Variants in MAGI2 observed in about 807,000 individuals in gnomAD.
MAGI2 encodes membrane-associated guanylate kinase, WW and PDZ domain-containing protein 2.
A neutral mutation model predicts 133.3 loss-of-function variants in MAGI2; 35 were observed. The observed-to-expected ratio is 0.26, with a 90% CI of 0.20 to 0.35. MAGI2 has a LOEUF of 0.35. Ranked by LOEUF, MAGI2 falls within the 10% of genes least tolerant of loss-of-function variation. The pLI is 1.00. For synonymous variants in MAGI2, 729 were observed against 710.6 expected (o/e 1.03, Z -0.41); for missense variants, 1,636 against 1,863.4 (o/e 0.88, Z 2.25).
chr7:78,628,817 A>T (rs1229743650), intron 2 of MAGI2, among the ~76,000 whole-genome samples: 1 of 149,050 alleles, frequency 6.7e-6, no homozygotes, highest in Non-Finnish European at 1.5e-5. Flanking sequence ...GAGAACCTTA[A>T]CTTTCAATAT....
chr7:79,243,858 T>C (rs1832616239), intron 1 of MAGI2, among the ~76,000 whole-genome samples: 1 of 152,184 alleles, frequency 6.6e-6, no homozygotes, highest in Non-Finnish European at 1.5e-5. Context: ...AAACAGCTAG[T>C]AGTCAGGATT....
At chr7:78,404,448 G>A (rs10266344) in intron 6 of MAGI2, among the ~76,000 whole-genome samples, 123,161 of 152,116 alleles carry the variant, frequency 0.81, 50,014 homozygotes, top group African/African-American at 0.85. Flanking sequence ...CCAAAACAGC[G>A]TGGTACTGGT....
At chr7:78,123,964 T>A (rs1431628628) in intron 20 of MAGI2, among the ~76,000 whole-genome samples, 1 of 152,218 alleles carries the variant, frequency 6.6e-6, no homozygotes, top group African/African-American at 2.4e-5. Context: ...GAAAGAGGAA[T>A]CTTTTCCTGC....
chr7:79,122,041 A>G (rs1165891298), intron 1 of MAGI2, among the ~76,000 whole-genome samples: 1 of 152,152 alleles, frequency 6.6e-6, no homozygotes, highest in African/African-American at 2.4e-5. Context: ...TATATAATTG[A>G]TTTCTGCATA....
At chr7:79,288,303 A>G (rs1156272416) in intron 1 of MAGI2, among the ~76,000 whole-genome samples, 58 of 152,158 alleles carry the variant, frequency 3.8e-4, no homozygotes, top group Admixed American at 3.8e-3. Context: ...GGATTAAATG[A>G]GATAGTCTCT....
chr7:78,488,395 C>G (rs1793267246), intron 6 of MAGI2, among the ~76,000 whole-genome samples: 1 of 152,020 alleles, frequency 6.6e-6, no homozygotes, highest in Non-Finnish European at 1.5e-5. Flanking sequence ...AGGTGCAAGA[C>G]AGCTGAGAAG....
chr7:78,954,648 A>G (rs1020038268), intron 2 of MAGI2, among the ~76,000 whole-genome samples: 3 of 152,100 alleles, frequency 2.0e-5, no homozygotes, highest in Non-Finnish European at 4.4e-5. Flanking sequence ...CTCACTTTTA[A>G]AGTTCTGGCC....
At chr7:78,992,203 G>A (rs1012919500) in intron 2 of MAGI2, among the ~76,000 whole-genome samples, 14 of 152,072 alleles carry the variant, frequency 9.2e-5, no homozygotes, top group African/African-American at 3.1e-4. Context: ...GTTTACATTA[G>A]TCAGTTGTAT....
intron 6 of MAGI2, among the ~76,000 whole-genome samples, chr7:78,466,943 T>C (rs896666139): frequency 6.6e-6 from 1 of 152,116 alleles, no homozygotes; most frequent in East Asian, 1.9e-4. Context: ...AATTAATGGG[T>C]ATCTGTCCCG....
intron 2 of MAGI2, among the ~76,000 whole-genome samples, chr7:78,866,462 T>C (rs922444954): frequency 4.6e-5 from 7 of 152,094 alleles, no homozygotes; most frequent in Non-Finnish European, 1.0e-4. Context: ...ATTTCTTCTC[T>C]CATGTGAAAT....
chr7:78,383,297 A>G (rs1448845959), intron 6 of MAGI2, among the ~76,000 whole-genome samples: 1 of 152,090 alleles, frequency 6.6e-6, no homozygotes, highest in Non-Finnish European at 1.5e-5. Context: ...TCTTTTGAAT[A>G]GTAACCATTC....
intron 20 of MAGI2, among the ~76,000 whole-genome samples, chr7:78,081,311 G>A (rs902937744): frequency 2.0e-5 from 3 of 152,136 alleles, no homozygotes; most frequent in Non-Finnish European, 4.4e-5. Context: ...CACCTGTTAT[G>A]TACCAGACAG....
Position 78,847,743 on chromosome 7 carries a change from T to C in MAGI2, c.418+159347A>G, listed in dbSNP as rs552639423. Among the ~76,000 whole-genome samples the C allele has an allele frequency of 6.6e-5, 10 of 152,126 alleles. No individual in the cohort carries two copies. In the South Asian group the frequency reaches 2.1e-3, roughly 32 times the overall value. On this transcript the variant is annotated intron_variant, in intron 2 of 21. Transcript: ENST00000354212. ...GATCACTCTATCTAAAATGGCACCC[T>C]GTGTCATTCTCTAATCCTTCTTCTC...
intron 1 of MAGI2, among the ~76,000 whole-genome samples, chr7:79,234,795 G>A (rs1426088270): frequency 2.6e-5 from 4 of 151,108 alleles, no homozygotes; most frequent in African/African-American, 4.9e-5. Context: ...CTCTCAGCTC[G>A]TCAAAGTCAT....
chr7:78,271,650 C>T (rs1182418961), intron 9 of MAGI2, among the ~76,000 whole-genome samples: 1 of 152,072 alleles, frequency 6.6e-6, no homozygotes, highest in African/African-American at 2.4e-5. Context: ...TTGGTCTATT[C>T]AGGGATTTGA....
chr7:79,122,425 A>T (rs192908932), intron 1 of MAGI2, among the ~76,000 whole-genome samples: 1 of 152,320 alleles, frequency 6.6e-6, no homozygotes, highest in African/African-American at 2.4e-5. Flanking sequence ...ATTAAGGCAC[A>T]TAGATGTATA....
At chr7:79,321,630 G>A (rs1167358746) in intron 1 of MAGI2, among the ~76,000 whole-genome samples, 1 of 152,090 alleles carries the variant, frequency 6.6e-6, no homozygotes, top group East Asian at 1.9e-4. Context: ...TGGGTACCAT[G>A]GTGATTATAT....
chr7:79,379,551 T>C (rs553825861), intron 1 of MAGI2, among the ~76,000 whole-genome samples: 37 of 152,114 alleles, frequency 2.4e-4, no homozygotes, highest in African/African-American at 8.2e-4. Context: ...TCTTCCACAA[T>C]GGTTGAACTA....
At position 79,429,797 on chromosome 7, in the gene MAGI2, T is replaced by TAGA. The variant is rs1275489205; in HGVS notation, c.301+23222_301+23223insTCT. On this transcript the variant is annotated intron_variant, in intron 1 of 21. Coordinates refer to ENST00000354212, the MANE Select transcript of MAGI2 (RefSeq NM_012301.4). ...AGACATATTAAAACTGACTCTTTTC[T>TAGA]AATAAAAATAATATGATTATCTCAT... is the stretch of plus-strand genomic sequence containing the variant. Among the ~76,000 whole-genome samples, 58 of 152,310 alleles carry TAGA rather than the reference T, an allele frequency of 3.8e-4. No individual in the cohort carries two copies. In the East Asian group the frequency reaches 8.7e-3, roughly 23 times the overall value.
Sources: allele counts gnomAD v4.1 joint callset (sites outside exome capture counted in the v4.1 genomes callset), GRCh38; gene constraint gnomAD v4.1.1; transcripts MANE v1.5; gene names NCBI Gene and HGNC (gene_info 2026-07-23, HGNC 2026-07-21).